Variants in ABLIM1 observed in about 807,000 individuals in gnomAD.
ABLIM1 encodes actin-binding LIM protein 1.
In ABLIM1, 40 loss-of-function variants were observed where a neutral mutation model predicts 107.0. The observed-to-expected ratio is 0.37, with a 90% CI of 0.29 to 0.49. ABLIM1 has a LOEUF of 0.49. Among genes scored for constraint, ABLIM1 ranks in the 20% least tolerant of loss-of-function variants. The probability of loss-of-function intolerance (pLI) is 0.97; values close to 1 mark genes in which losing one functional copy is unlikely to be tolerated. For missense variants in ABLIM1, 857 were observed against 1,008.5 expected (o/e 0.85, Z 2.04); for synonymous variants, 357 against 357.3 (o/e 1.00, Z 0.01).
At chr10:114,727,228 C>A (rs143434772) in intron 1 of ABLIM1, among the ~76,000 whole-genome samples, 5 of 152,048 alleles carry the variant, frequency 3.3e-5, no homozygotes, top group African/African-American at 9.7e-5. Flanking sequence ...AAGCCTTCAC[C>A]CAGAAAGAAT....
intron 7 of ABLIM1, among the ~76,000 whole-genome samples, chr10:114,489,277 A>G (rs1347827292): frequency 6.6e-6 from 1 of 152,214 alleles, no homozygotes; most frequent in Non-Finnish European, 1.5e-5. Context: ...TCGGCCTACC[A>G]AAGTGTTGAG....
chr10:114,619,271 A>G lies in ABLIM1; in HGVS notation c.245-17310T>C, dbSNP rs1223782858. ...GAGCGCAGTGGCACGATCTTAGCTC[A>G]CTGCAACGTCCACCTCCCAGGTTCA... On this transcript the variant is annotated intron_variant, in intron 1 of 22. Transcript: ENST00000533213. The surrounding 1 kb of genome is among the most constrained non-coding windows in gnomAD (Gnocchi z 4.1). Among the ~76,000 whole-genome samples the G allele has an allele frequency of 6.8e-6, 1 of 148,064 alleles. No individual in the cohort carries two copies. Among genetic ancestry groups the G allele is most frequent in the Non-Finnish European group, 1.5e-5 (1 of 67,398 alleles).
At chr10:114,554,994 T>A (rs1466577478) in intron 4 of ABLIM1, among the ~76,000 whole-genome samples, 1 of 152,150 alleles carries the variant, frequency 6.6e-6, no homozygotes, top group Non-Finnish European at 1.5e-5. Context: ...GGCTGCGTAA[T>A]ATGTGTAATT....
the ABLIM1 span, among the ~76,000 whole-genome samples, chr10:114,785,626 A>G: frequency 1.3e-5 from 2 of 152,180 alleles, no homozygotes; most frequent in Non-Finnish European, 2.9e-5. Flanking sequence ...AAATACAACT[A>G]TAAGGTTACA....
At chr10:114,676,440 G>A (rs989906817) in intron 1 of ABLIM1, among the ~76,000 whole-genome samples, 6 of 151,996 alleles carry the variant, frequency 3.9e-5, no homozygotes, top group African/African-American at 1.4e-4. Context: ...TCGCGACACT[G>A]CACTCCAGCC....
chr10:114,526,314 A>C (rs909404866), intron 6 of ABLIM1, among the ~76,000 whole-genome samples: 6 of 151,864 alleles, frequency 4.0e-5, no homozygotes, highest in Non-Finnish European at 8.8e-5. Context: ...TCTGAAAACC[A>C]CAGTCTCCTT....
At chr10:114,585,572 G>A (rs1283826241) in intron 2 of ABLIM1, among the ~76,000 whole-genome samples, 2 of 152,056 alleles carry the variant, frequency 1.3e-5, no homozygotes, top group African/African-American at 4.8e-5. Flanking sequence ...TCATCAACAG[G>A]TTTTCCTGCT....
At position 114,629,615 on chromosome 10, in the gene ABLIM1, T is replaced by C. The variant is rs920879290; in HGVS notation, c.245-27654A>G. Among the ~76,000 whole-genome samples, 1 of 152,204 alleles carries C rather than the reference T, an allele frequency of 6.6e-6. No homozygotes were observed. Among genetic ancestry groups the C allele is most frequent in the Non-Finnish European group, 1.5e-5 (1 of 68,036 alleles). On this transcript the variant is annotated intron_variant, in intron 1 of 22. Coordinates refer to ENST00000533213, the MANE Select transcript of ABLIM1 (RefSeq NM_002313.7). This position sits in a 1 kb window ranked among gnomAD's most constrained non-coding sequence, Gnocchi z 4.0. ...TAGCAGCTGTCAACACACTGGCAAT[T>C]GTGGTCTCTCATCCACTACATGGTG...
At chr10:114,739,810 G>A (rs1475910867) in intron 1 of ABLIM1, among the ~76,000 whole-genome samples, 1 of 152,124 alleles carries the variant, frequency 6.6e-6, no homozygotes, top group Non-Finnish European at 1.5e-5. Flanking sequence ...CATTCAGGCA[G>A]TGTTACATCT....
intron 1 of ABLIM1, among the ~76,000 whole-genome samples, chr10:114,644,218 T>C (rs969623925): frequency 7.8e-6 from 1 of 128,552 alleles, no homozygotes; most frequent in Non-Finnish European, 1.6e-5. Flanking sequence ...GAGGCGGAGC[T>C]TGCAGTGAGC....
At position 114,447,940 on chromosome 10, in the gene ABLIM1, T is replaced by C; in HGVS notation, c.1675A>G (p.Ser559Gly). The C allele has an allele frequency of 6.2e-7, 1 of 1,614,162 alleles. No individual in the cohort carries two copies. The highest frequency in any genetic ancestry group is 8.5e-7 in the Non-Finnish European group (1 of 1,180,018). Reference protein sequence around the residue: ...KFPAAQAPDPSETPKIETDHW... With the variant: ...KFPAAQAPDPGETPKIETDHW... The stretch of plus-strand genomic sequence containing the variant: ...TCCGTCTCAATCTTTGGTGTCTCGC[T>C]GGGGTCTGGTGCCTGGGCTGCTGGG... Residue 559 changes from serine (S) to glycine (G), a missense_variant, in exon 15 of 23, where the codon AGC (serine) becomes GGC (glycine). Coordinates refer to ENST00000533213, the MANE Select transcript of ABLIM1 (RefSeq NM_002313.7).
rs374482898 is a variant in ABLIM1 at position 114,451,587 on chromosome 10, G to C, written c.1594+37C>G. The C allele has an allele frequency of 4.4e-6, 7 of 1,582,814 alleles. No homozygotes were observed. The African/African-American group carries it at 9.4e-5, about 21-fold the overall frequency. ...AGCAAGGAGAAGTTCAGCTGACTTT[G>C]CTATTTAAAAGCTACGCGGAGGAAA... On this transcript the variant is annotated intron_variant, in intron 14 of 22. Coordinates refer to ENST00000533213, the MANE Select transcript of ABLIM1 (RefSeq NM_002313.7).
intron 14 of ABLIM1, among the ~76,000 whole-genome samples, chr10:114,449,844 G>A (rs577276530): frequency 2.6e-5 from 4 of 152,280 alleles, no homozygotes; most frequent in Admixed American, 2.6e-4. Context: ...GCATGGAATG[G>A]CTGTTTTGCA....
chr10:114,665,219 C>T (rs2079975990), intron 1 of ABLIM1, among the ~76,000 whole-genome samples: 1 of 152,162 alleles, frequency 6.6e-6, no homozygotes, highest in Non-Finnish European at 1.5e-5. Flanking sequence ...GACATGCACA[C>T]ACACAAGGCT....
intron 2 of ABLIM1, among the ~76,000 whole-genome samples, chr10:114,597,229 G>A (rs1168806655): frequency 6.6e-6 from 1 of 152,208 alleles, no homozygotes; most frequent in Admixed American, 6.5e-5. Context: ...GTAAAAGACT[G>A]CTATTGCTGC....
At chr10:114,584,331 A>AT (rs770353957) in intron 2 of ABLIM1, among the ~76,000 whole-genome samples, 2 of 152,118 alleles carry the variant, frequency 1.3e-5, no homozygotes, top group South Asian at 4.2e-4. Flanking sequence ...CCCCAACTAA[A>AT]TTTTTTTAAA....
chr10:114,437,079 A>G lies in ABLIM1; in HGVS notation c.2224-706T>C, dbSNP rs2059517802. Among the ~76,000 whole-genome samples the G allele has an allele frequency of 8.5e-5, 13 of 152,196 alleles. No individual in the cohort carries two copies. In the South Asian group the frequency reaches 2.5e-3, roughly 29 times the overall value. On this transcript the variant is annotated intron_variant, in intron 22 of 22. Transcript: ENST00000533213. ...AACAAGGAATGTGGAAACAGCCAAG[A>G]AAGAAACTTGTCCAGTATAAATCAG...
At chr10:114,468,043 C>T in intron 11 of ABLIM1, 138 bp downstream of exon 11, 1 of 741,688 alleles carries the variant, frequency 1.3e-6, no homozygotes, top group South Asian at 1.7e-5. Context: ...GAGGTAATCC[C>T]CAAAGCCACC....
intron 3 of ABLIM1, among the ~76,000 whole-genome samples, chr10:114,572,302 A>T (rs1343723237): frequency 6.6e-6 from 1 of 152,242 alleles, no homozygotes. Flanking sequence ...AGTTAGAAGC[A>T]ATTACTTAAG....
Sources: gnomAD v4.1 joint callset for allele counts (sites outside exome capture counted in the v4.1 genomes callset) on GRCh38, gnomAD v4.1.1 for gene constraint, Gnocchi (gnomAD v3.1) non-coding constraint, MANE v1.5 for transcripts, NCBI Gene and HGNC (gene_info 2026-07-23, HGNC 2026-07-21) for gene names.